Variants in TMTC3 observed in about 807,000 individuals in gnomAD.
TMTC3 encodes transmembrane O-mannosyltransferase targeting cadherins 3.
Under a neutral mutation model 92.2 loss-of-function variants are expected in TMTC3, and 52 were observed. That is an observed-to-expected ratio of 0.56 (90% confidence interval 0.45 to 0.71). The LOEUF (loss-of-function observed/expected upper bound fraction) is 0.71, where lower values mean the gene tolerates loss of function less well. Among genes scored for constraint, TMTC3 ranks in the 30% least tolerant of loss-of-function variants. The probability of loss-of-function intolerance (pLI) is 0.00; values close to 1 mark genes in which losing one functional copy is unlikely to be tolerated. For synonymous variants in TMTC3, 339 were observed against 363.3 expected, an observed-to-expected ratio of 0.93 and a Z score of 0.76; for missense variants, 896 against 1,057.1, an observed-to-expected ratio of 0.85 and a Z score of 2.11.
chr12:88,145,473 G>A (rs1320462426), intron 1 of TMTC3, among the ~76,000 whole-genome samples: 4 of 152,192 alleles, frequency 2.6e-5, no homozygotes, highest in Admixed American at 6.5e-5. Flanking sequence ...ACCAAAAAGT[G>A]TCTAAGACGG....
intron 10 of TMTC3, among the ~76,000 whole-genome samples, chr12:88,183,153 C>G (rs1007469824): frequency 6.6e-6 from 1 of 152,174 alleles, no homozygotes; most frequent in South Asian, 2.1e-4. Context: ...AATTCATGGG[C>G]TCTTTGTAAT....
At chr12:88,172,909 C>A (rs1254708012) in intron 8 of TMTC3, 164 bp downstream of exon 8, 26 of 1,506,290 alleles carry the variant, frequency 1.7e-5, no homozygotes, top group Non-Finnish European at 2.2e-5. Flanking sequence ...TAGGAAAGCT[C>A]CATGGCACCT....
rs2041218647 is a variant in TMTC3 at position 88,172,697 on chromosome 12, G to A, written c.1151G>A (p.Gly384Glu). ...CGAGTATTATATGTTCCCAGCATGG[G>A]GTTCTGTATTTTGGTAGCCCATGGA... Reference protein sequence around the residue: ...AERVLYVPSMGFCILVAHGWQ... With the variant: ...AERVLYVPSMEFCILVAHGWQ... The change falls in exon 8 of 14, where the codon GGG becomes GAG. Residue 384 changes from glycine to glutamate, a missense_variant. By Grantham distance (98) the Gly-to-Glu change is moderately conservative. Coordinates refer to ENST00000266712, the MANE Select transcript of TMTC3 (RefSeq NM_181783.4). 1.9e-6 allele frequency: 3 copies of A among 1,601,892 alleles called. No individual in the cohort carries two copies. Among genetic ancestry groups the A allele is most frequent in the Non-Finnish European group, 2.6e-6 (3 of 1,175,356 alleles).
In TMTC3 at chr12:88,195,572, A is replaced by T; in HGVS notation, c.2668A>T (p.Ile890Phe). The T allele has an allele frequency of 6.2e-7, 1 of 1,608,588 alleles. No homozygotes were observed. Among genetic ancestry groups the T allele is most frequent in the Non-Finnish European group, 8.5e-7 (1 of 1,178,658 alleles). Residue 890 changes from isoleucine (I) to phenylalanine (F), a missense_variant, in exon 14 of 14, where the codon ATC becomes TTC. Transcript: ENST00000266712. ...EETPHKTTKD[I>F]KEIEKKRVAA... is the part of the protein sequence containing the mutation. ...GACACCCCACAAAACAACAAAAGACATCAAAGAAATTGAGAAGAAAAGAGT... is the reference window on the plus strand; with the variant it reads ...GACACCCCACAAAACAACAAAAGACTTCAAAGAAATTGAGAAGAAAAGAGT...
At chr12:88,177,230 G>A (rs1003844512) in intron 10 of TMTC3, among the ~76,000 whole-genome samples, 9 of 151,768 alleles carry the variant, frequency 5.9e-5, no homozygotes, top group Non-Finnish European at 1.2e-4. Flanking sequence ...GGTGGCTGAG[G>A]CACAAGAATC....
chr12:88,148,827 A>G (rs914302679), intron 2 of TMTC3, among the ~76,000 whole-genome samples: 5 of 152,002 alleles, frequency 3.3e-5, no homozygotes, highest in African/African-American at 1.2e-4. Context: ...TGGGGTACCA[A>G]TCTGTCACCC....
At chr12:88,187,178 A>AAAAAAG (rs748541487) in intron 10 of TMTC3, among the ~76,000 whole-genome samples, 12,539 of 150,700 alleles carry the variant, frequency 0.083, 779 homozygotes, top group African/African-American at 0.17. Context: ...AAAAAAAAAA[A>AAAAAAG]AAAAGATATA....
intron 10 of TMTC3, among the ~76,000 whole-genome samples, chr12:88,185,642 C>T (rs903402742): frequency 1.4e-4 from 21 of 151,700 alleles, no homozygotes; most frequent in Non-Finnish European, 2.2e-4. Flanking sequence ...GTATGTTTAA[C>T]TTTTTAAAGG....
chr12:88,146,490 C>G (rs2040875362), intron 1 of TMTC3, among the ~76,000 whole-genome samples: 1 of 151,742 alleles, frequency 6.6e-6, no homozygotes, highest in South Asian at 2.1e-4. Flanking sequence ...GAAATCTACC[C>G]TTTAAAAGCC....
At chr12:88,190,725 A>T in intron 12 of TMTC3, 103 bp downstream of exon 12, 1 of 1,291,960 alleles carries the variant, frequency 7.7e-7, no homozygotes, top group South Asian at 1.5e-5. Context: ...TTATGTTTTT[A>T]ATAATCTTAC....
chr12:88,190,415 A>T, intron 11 of TMTC3, 38 bp from the exon 12 acceptor site: 1 of 1,586,128 alleles, frequency 6.3e-7, no homozygotes, highest in East Asian at 2.2e-5. Context: ...TTTGATACTG[A>T]AATATCAAAT....
At chr12:88,181,822 T>C (rs535839273) in intron 10 of TMTC3, among the ~76,000 whole-genome samples, 2 of 152,330 alleles carry the variant, frequency 1.3e-5, no homozygotes, top group South Asian at 4.1e-4. Context: ...GAGGGAATTA[T>C]GCAGTTTCCA....
chr12:88,198,433 G>A lies in TMTC3; in HGVS notation c.*2784G>A, dbSNP rs1168352335. On this transcript the variant is annotated 3_prime_UTR_variant, in exon 14 of 14. Coordinates refer to ENST00000266712, the MANE Select transcript of TMTC3 (RefSeq NM_181783.4). ...AAGCTTTGACAATCCCCAAGGGGCA[G>A]TGTTACCTTACTCCTTCACTGCTTC... 1 of 397,996 alleles carries A rather than the reference G, an allele frequency of 2.5e-6. No homozygotes were observed. Among genetic ancestry groups the A allele is most frequent in the Non-Finnish European group, 4.4e-6 (1 of 225,674 alleles). The allele number at this position is 397,996 out of a possible 1,614,324, so 24.7% of individuals were successfully genotyped here.
chr12:88,189,094 A>ATTTT (rs201059192), intron 11 of TMTC3, 148 bp downstream of exon 11: 6 of 429,450 alleles, frequency 1.4e-5, no homozygotes, highest in East Asian at 4.6e-5. Flanking sequence ...AGCTTACTTA[A>ATTTT]TTTTTTTTTT....
chr12:88,194,411 C>A lies in TMTC3; in HGVS notation c.1934-427C>A, dbSNP rs11104756. ...GAACATTTTTTCGATATACAACATA[C>A]AATTATTAGAAAACTCAGTTAACCC... is the stretch of plus-strand genomic sequence containing the variant. On this transcript the variant is annotated intron_variant, in intron 13 of 13. Coordinates refer to ENST00000266712, the MANE Select transcript of TMTC3 (RefSeq NM_181783.4). Among the ~76,000 whole-genome samples, 23 of 152,114 alleles carry A rather than the reference C, an allele frequency of 1.5e-4. No homozygotes were observed. In the East Asian group the frequency reaches 3.9e-3, roughly 26 times the overall value.
chr12:88,151,825 T>A (rs1003409202), intron 2 of TMTC3, among the ~76,000 whole-genome samples: 3 of 152,188 alleles, frequency 2.0e-5, no homozygotes, highest in African/African-American at 7.2e-5. Flanking sequence ...GTACAGTGCC[T>A]TAAAAATAGC....
At chr12:88,192,952 G>A in intron 13 of TMTC3, 122 bp downstream of exon 13, 2 of 696,792 alleles carry the variant, frequency 2.9e-6, no homozygotes, top group Non-Finnish European at 4.4e-6. Context: ...GCAATACTGT[G>A]CTTAACTGAT....
At chr12:88,152,879 T>A (rs2040959529) in intron 2 of TMTC3, among the ~76,000 whole-genome samples, 1 of 152,206 alleles carries the variant, frequency 6.6e-6, no homozygotes, top group Non-Finnish European at 1.5e-5. Flanking sequence ...TGTTCTTACA[T>A]TTCCTTTTGA....
intron 10 of TMTC3, among the ~76,000 whole-genome samples, chr12:88,188,387 C>T (rs937410136): frequency 6.6e-6 from 1 of 151,846 alleles, no homozygotes; most frequent in Non-Finnish European, 1.5e-5. Flanking sequence ...TGGAAGCAAG[C>T]TTTAGTGTAG....
Sources: gnomAD v4.1 joint callset for allele counts (sites outside exome capture counted in the v4.1 genomes callset) on GRCh38, gnomAD v4.1.1 for gene constraint, MANE v1.5 for transcripts, NCBI Gene and HGNC (gene_info 2026-07-23, HGNC 2026-07-21) for gene names.